The following MTUS2 variants were observed in gnomAD, a reference collection of about 807,000 sequenced individuals.
MTUS2 encodes the protein microtubule associated scaffold protein 2.
In MTUS2, 40 loss-of-function variants were observed where a neutral mutation model predicts 114.1. That is an observed-to-expected ratio of 0.35 (90% CI 0.27 to 0.46). MTUS2 has a LOEUF of 0.46. Ranked by LOEUF, MTUS2 falls within the 20% of genes least tolerant of loss-of-function variation. The probability of loss-of-function intolerance (pLI) is 1.00; values close to 1 mark genes in which losing one functional copy is unlikely to be tolerated. For synonymous variants in MTUS2, 688 were observed against 672.0 expected, an observed-to-expected ratio of 1.02 and a Z score of -0.37; for missense variants, 1,679 against 1,705.4, an observed-to-expected ratio of 0.98 and a Z score of 0.27.
At chr13:29,194,937 C>T (rs1478332696) in intron 5 of MTUS2, among the ~76,000 whole-genome samples, 2 of 149,130 alleles carry the variant, frequency 1.3e-5, no homozygotes, top group Non-Finnish European at 3.0e-5. Flanking sequence ...GAGTTCATGT[C>T]CTTTGTAGGG....
chr13:28,902,301 A>G (rs554406485), intron 2 of MTUS2, among the ~76,000 whole-genome samples: 1 of 152,286 alleles, frequency 6.6e-6, no homozygotes, highest in African/African-American at 2.4e-5. Context: ...TTTCTAATCC[A>G]AATGTGTTTC....
At chr13:29,328,037 T>G (rs142374741) in intron 7 of MTUS2, among the ~76,000 whole-genome samples, 6 of 152,340 alleles carry the variant, frequency 3.9e-5, no homozygotes, top group Admixed American at 3.9e-4. Flanking sequence ...TATATGTTCT[T>G]TGATAAAATA....
At chr13:28,867,237 C>G (rs545320447) in intron 2 of MTUS2, among the ~76,000 whole-genome samples, 20 of 152,316 alleles carry the variant, frequency 1.3e-4, no homozygotes, top group Middle Eastern at 3.4e-3. Flanking sequence ...ATCATTCTTA[C>G]TACTAAGCAA....
chr13:29,131,292 G>A (rs2138958154), intron 5 of MTUS2, among the ~76,000 whole-genome samples: 1 of 152,352 alleles, frequency 6.6e-6, no homozygotes, highest in Non-Finnish European at 1.5e-5. Context: ...TAGAGGTTTT[G>A]GAGATTGACA....
intron 5 of MTUS2, among the ~76,000 whole-genome samples, chr13:29,168,970 C>T (rs538395157): frequency 2.0e-5 from 3 of 150,578 alleles, no homozygotes; most frequent in African/African-American, 7.3e-5. Flanking sequence ...CAGGTCAACT[C>T]TGCCCTTATA....
chr13:29,397,214 G>A (rs1236834872), intron 8 of MTUS2, among the ~76,000 whole-genome samples: 1 of 152,120 alleles, frequency 6.6e-6, no homozygotes, highest in African/African-American at 2.4e-5. Context: ...TCCCAAAGTT[G>A]TGGGCTAGAT....
At chr13:29,299,515 C>A (rs975185836) in intron 6 of MTUS2, among the ~76,000 whole-genome samples, 1 of 152,128 alleles carries the variant, frequency 6.6e-6, no homozygotes, top group East Asian at 1.9e-4. Flanking sequence ...TACTTACACA[C>A]CTAATTATTG....
chr13:29,186,088 C>G (rs1222905402), intron 5 of MTUS2, among the ~76,000 whole-genome samples: 1 of 152,116 alleles, frequency 6.6e-6, no homozygotes, highest in Non-Finnish European at 1.5e-5. Flanking sequence ...GTGGCACATG[C>G]ATGTAGTCCT....
intron 6 of MTUS2, among the ~76,000 whole-genome samples, chr13:29,282,929 A>G (rs575783675): frequency 2.8e-4 from 43 of 152,302 alleles, no homozygotes; most frequent in African/African-American, 1.0e-3. Flanking sequence ...TTATTCAATC[A>G]TTCCTTCACT....
At chr13:28,861,364 G>A (rs1876967164) in intron 2 of MTUS2, among the ~76,000 whole-genome samples, 1 of 152,078 alleles carries the variant, frequency 6.6e-6, no homozygotes, top group Non-Finnish European at 1.5e-5. Context: ...GGGCCCGACA[G>A]GCCTGGCATG....
chr13:29,417,898 A>T (rs1319940328), intron 8 of MTUS2, among the ~76,000 whole-genome samples: 1 of 152,042 alleles, frequency 6.6e-6, no homozygotes, highest in Non-Finnish European at 1.5e-5. Flanking sequence ...TTATTTTTGC[A>T]GTATTGGTTT....
intron 5 of MTUS2, among the ~76,000 whole-genome samples, chr13:29,136,430 G>C (rs992150860): frequency 5.9e-5 from 9 of 152,198 alleles, no homozygotes; most frequent in Admixed American, 5.9e-4. Context: ...GATAGCTTCA[G>C]GATGGTGTCT....
intron 5 of MTUS2, among the ~76,000 whole-genome samples, chr13:29,268,964 C>G (rs1303000156): frequency 6.6e-6 from 1 of 152,036 alleles, no homozygotes; most frequent in Non-Finnish European, 1.5e-5. Flanking sequence ...ACTCCTGGCT[C>G]CAAGCAATCC....
At chr13:29,093,780 C>T (rs1388741792) in intron 4 of MTUS2, among the ~76,000 whole-genome samples, 1 of 152,162 alleles carries the variant, frequency 6.6e-6, no homozygotes, top group Non-Finnish European at 1.5e-5. Context: ...CTAGCACCTT[C>T]CATACAATGT....
chr13:29,371,471 G>A (rs917550400), intron 8 of MTUS2, among the ~76,000 whole-genome samples: 5 of 152,116 alleles, frequency 3.3e-5, no homozygotes, highest in African/African-American at 1.2e-4. Flanking sequence ...GCTTGCCTCG[G>A]CCTTCCAAAG....
At chr13:29,126,631 A>AT (rs67257359) in intron 5 of MTUS2, among the ~76,000 whole-genome samples, 208 of 149,422 alleles carry the variant, frequency 1.4e-3, no homozygotes, top group East Asian at 3.5e-3. Context: ...TTTTTTTGTG[A>AT]TTTTTTTTTT....
intron 9 of MTUS2, among the ~76,000 whole-genome samples, chr13:29,443,025 T>C (rs1479473250): frequency 2.6e-5 from 4 of 152,332 alleles, no homozygotes; most frequent in Admixed American, 2.0e-4. Context: ...AGTATGCTTC[T>C]CTATGAAATA....
chr13:29,265,069 A>C (rs961347815), intron 5 of MTUS2, among the ~76,000 whole-genome samples: 2 of 152,204 alleles, frequency 1.3e-5, no homozygotes, highest in African/African-American at 4.8e-5. Context: ...TTTCAACTTT[A>C]AGTCATTTAG....
chr13:29,169,585 T>C (rs148662196), intron 5 of MTUS2, among the ~76,000 whole-genome samples: 64 of 152,310 alleles, frequency 4.2e-4, no homozygotes, highest in African/African-American at 1.5e-3. Flanking sequence ...CAGACAGATA[T>C]AGATGATATG....
Sources: gnomAD v4.1 joint callset for allele counts (sites outside exome capture counted in the v4.1 genomes callset) on GRCh38, gnomAD v4.1.1 for gene constraint, MANE v1.5 for transcripts, NCBI Gene and HGNC (gene_info 2026-07-23, HGNC 2026-07-21) for gene names.